Variants in CRISPLD1 observed in about 807,000 individuals in gnomAD.
The protein encoded by CRISPLD1 is cysteine rich secretory protein LCCL domain containing 1, also known as cysteine-rich secretory protein LCCL domain-containing 1.
A neutral mutation model predicts 77.5 loss-of-function variants in CRISPLD1; 60 were observed. That is an observed-to-expected ratio of 0.77 (90% confidence interval 0.63 to 0.96). CRISPLD1 has a LOEUF of 0.96. Ranked by LOEUF, CRISPLD1 falls within the 40% of genes least tolerant of loss-of-function variation. The probability of loss-of-function intolerance (pLI) is 0.00; values close to 1 mark genes in which losing one functional copy is unlikely to be tolerated. For missense variants in CRISPLD1, 623 were observed against 615.8 expected (o/e 1.01, Z -0.12); for synonymous variants, 195 against 200.1 (o/e 0.97, Z 0.22).
chr8:75,003,984 T>G (rs992061717), intron 2 of CRISPLD1, among the ~76,000 whole-genome samples: 2 of 152,194 alleles, frequency 1.3e-5, no homozygotes, highest in African/African-American at 4.8e-5. Context: ...TATATCTGCA[T>G]ATTAAGTTTT....
chr8:75,010,683 A>T (rs542455283), intron 2 of CRISPLD1, among the ~76,000 whole-genome samples: 2 of 151,954 alleles, frequency 1.3e-5, no homozygotes, highest in African/African-American at 4.8e-5. Flanking sequence ...TTATAATTTC[A>T]TATTAATTAG....
intron 10 of CRISPLD1, among the ~76,000 whole-genome samples, chr8:75,019,450 A>G (rs149240978): frequency 1.3e-3 from 196 of 152,246 alleles, no homozygotes; most frequent in African/African-American, 4.6e-3. Flanking sequence ...GGAATAATGG[A>G]CGCTCCCTTA....
intron 2 of CRISPLD1, among the ~76,000 whole-genome samples, chr8:75,007,543 G>A (rs1234793266): frequency 6.6e-6 from 1 of 151,380 alleles, no homozygotes; most frequent in Non-Finnish European, 1.5e-5. Flanking sequence ...CTATGTATTT[G>A]TAGGTTTACC....
chr8:75,010,638 TCTACTCCCAAA>T (rs1422108601), intron 2 of CRISPLD1, among the ~76,000 whole-genome samples: 7 of 152,126 alleles, frequency 4.6e-5, no homozygotes, highest in Non-Finnish European at 1.0e-4. Context: ...TTACCCATTC[TCTACTCCCAAA>T]AATATCTTCT....
At chr8:75,026,553 C>T (rs1174651824) in intron 13 of CRISPLD1, 1 of 152,194 alleles carries the variant, frequency 6.6e-6, no homozygotes, top group Non-Finnish European at 1.5e-5. Context: ...AGAGAGGAAT[C>T]CAGCTCACAT....
intron 2 of CRISPLD1, among the ~76,000 whole-genome samples, chr8:75,009,803 G>T (rs575308241): frequency 6.6e-6 from 1 of 152,148 alleles, no homozygotes; most frequent in East Asian, 1.9e-4. Context: ...CATTTTCTGG[G>T]ACTTCAACCA....
At chr8:75,015,323 T>A (rs374279335) in intron 6 of CRISPLD1, among the ~76,000 whole-genome samples, 1 of 152,198 alleles carries the variant, frequency 6.6e-6, no homozygotes, top group Non-Finnish European at 1.5e-5. Flanking sequence ...GTGTATCTTA[T>A]TGAACCATGC....
chr8:75,008,457 A>G (rs1017305769), intron 2 of CRISPLD1, among the ~76,000 whole-genome samples: 5 of 152,192 alleles, frequency 3.3e-5, no homozygotes, highest in African/African-American at 1.2e-4. Context: ...AATATGTTGT[A>G]GCTTTAACAA....
At chr8:75,003,213 A>T (rs568974575) in intron 2 of CRISPLD1, among the ~76,000 whole-genome samples, 1 of 152,226 alleles carries the variant, frequency 6.6e-6, no homozygotes, top group Non-Finnish European at 1.5e-5. Context: ...CAGTTTCATT[A>T]AAAGTATGTA....
At position 75,032,355 on chromosome 8, in the gene CRISPLD1, A is replaced by T. The variant is rs575242665; in HGVS notation, c.*113A>T. The stretch of plus-strand genomic sequence containing the variant: ...GTACATCAACTATTTTCAGCCCAAA[A>T]AGGTGCCAAATGCATATAAATCTTG... On this transcript the variant is annotated 3_prime_UTR_variant, in exon 15 of 15. Transcript: ENST00000262207. 8 of 636,680 alleles carry T rather than the reference A, an allele frequency of 1.3e-5. No individual in the cohort carries two copies. The East Asian group carries it at 2.2e-4, about 17-fold the overall frequency. 39.4% of individuals were successfully genotyped at this position (636,680 alleles called of 1,614,324 possible).
At chr8:75,010,791 T>C (rs1024733780) in intron 2 of CRISPLD1, among the ~76,000 whole-genome samples, 2 of 152,066 alleles carry the variant, frequency 1.3e-5, no homozygotes, top group African/African-American at 4.8e-5. Context: ...GAATTTTCTT[T>C]TTTATTCGTC....
intron 2 of CRISPLD1, among the ~76,000 whole-genome samples, chr8:75,006,683 T>G (rs756861926): frequency 3.9e-5 from 6 of 152,144 alleles, no homozygotes; most frequent in Admixed American, 6.6e-5. Flanking sequence ...TTATTAAAAT[T>G]TCATTATTTA....
At chr8:75,017,233 T>G in intron 9 of CRISPLD1, 87 bp from the exon 10 acceptor site, 1 of 1,552,222 alleles carries the variant, frequency 6.4e-7, no homozygotes, top group Non-Finnish European at 8.8e-7. Flanking sequence ...GTTTATTTAA[T>G]TGAAAGTCAC....
chr8:74,986,278 G>T (rs1251163840), intron 2 of CRISPLD1, 33 bp downstream of exon 2: 1 of 1,589,604 alleles, frequency 6.3e-7, no homozygotes, highest in Non-Finnish European at 8.6e-7. Flanking sequence ...ATGTACAAAA[G>T]AAATGTTTAT....
chr8:75,032,152 G>A, intron 14 of CRISPLD1, 39 bp from the exon 15 acceptor site: 12 of 1,377,782 alleles, frequency 8.7e-6, no homozygotes, highest in Non-Finnish European at 1.2e-5. Flanking sequence ...GTATAGAGAT[G>A]ACATCAATAT....
At position 75,019,990 on chromosome 8, in the gene CRISPLD1, G is replaced by T; in HGVS notation, c.1172-17G>T. 2 of 1,613,706 alleles carry T rather than the reference G, an allele frequency of 1.2e-6. No homozygotes were observed. Among genetic ancestry groups the T allele is most frequent in the South Asian group, 1.1e-5 (1 of 91,066 alleles). ...TTTCAAAGGATTCACTCATTGTTTT[G>T]TGTTTTAATTCTTCAGTTCAGGCTG... On this transcript the variant is annotated splice_polypyrimidine_tract_variant and intron_variant, in intron 11 of 14. Transcript: ENST00000262207.
intron 12 of CRISPLD1, among the ~76,000 whole-genome samples, chr8:75,024,329 GT>G (rs869143755): frequency 5.9e-5 from 8 of 136,196 alleles, no homozygotes; most frequent in African/African-American, 2.1e-4. Context: ...TGTTGTTGTT[GT>G]TTTGTTTTGT....
chr8:74,998,685 C>CAAAAAAAAAAAAA (rs368258595), intron 2 of CRISPLD1, among the ~76,000 whole-genome samples: 3 of 50,966 alleles, frequency 5.9e-5, no homozygotes, highest in African/African-American at 7.2e-5. Flanking sequence ...GACTCCATCT[C>CAAAAAAAAAAAAA]AAAAAAAAAA....
chr8:74,994,322 TG>T (rs1812616596), intron 2 of CRISPLD1, among the ~76,000 whole-genome samples: 2 of 152,242 alleles, frequency 1.3e-5, no homozygotes, highest in African/African-American at 4.8e-5. Flanking sequence ...GCAAGATGAA[TG>T]AAATTGACTT....
Sources: allele counts gnomAD v4.1 joint callset (sites outside exome capture counted in the v4.1 genomes callset), GRCh38; gene constraint gnomAD v4.1.1; transcripts MANE v1.5; gene names NCBI Gene and HGNC (gene_info 2026-07-23, HGNC 2026-07-21).